Variants in CSMD3 observed in about 807,000 individuals in gnomAD.
CSMD3 encodes CUB and sushi domain-containing protein 3.
In CSMD3, 177 loss-of-function variants were observed where a neutral mutation model predicts 435.2. The ratio of observed to expected loss-of-function variants is 0.41; its 90% confidence interval spans 0.36 to 0.46. The LOEUF (loss-of-function observed/expected upper bound fraction) is 0.46. Ranked by LOEUF, CSMD3 falls within the 20% of genes least tolerant of loss-of-function variation. The probability of loss-of-function intolerance (pLI) is 0.34; values close to 1 mark genes in which losing one functional copy is unlikely to be tolerated. For synonymous variants in CSMD3, 1,656 were observed against 1,520.5 expected (o/e 1.09, Z -2.07); for missense variants, 4,265 against 4,504.6 (o/e 0.95, Z 1.52).
At chr8:112,503,232 A>G (rs951628399) in intron 30 of CSMD3, among the ~76,000 whole-genome samples, 1 of 151,974 alleles carries the variant, frequency 6.6e-6, no homozygotes, top group Admixed American at 6.6e-5. Context: ...CAGACGTATG[A>G]CACCCCTCTT....
intron 10 of CSMD3, among the ~76,000 whole-genome samples, chr8:112,905,366 G>A (rs1256967041): frequency 6.7e-6 from 1 of 150,356 alleles, no homozygotes; most frequent in East Asian, 2.0e-4. Context: ...AATATGTTAT[G>A]GATGTTAGGG....
intron 57 of CSMD3, among the ~76,000 whole-genome samples, chr8:112,288,590 A>G (rs528692554): frequency 7.2e-5 from 11 of 152,202 alleles, no homozygotes; most frequent in African/African-American, 1.9e-4. Flanking sequence ...AAGACAATGG[A>G]CAATATATAA....
chr8:112,634,389 T>G (rs886463850), intron 22 of CSMD3, among the ~76,000 whole-genome samples: 4 of 152,032 alleles, frequency 2.6e-5, no homozygotes, highest in African/African-American at 9.7e-5. Context: ...AAAACATTTC[T>G]TTTTAAAGGA....
At chr8:112,603,991 G>A (rs1391922963) in intron 22 of CSMD3, among the ~76,000 whole-genome samples, 1 of 152,022 alleles carries the variant, frequency 6.6e-6, no homozygotes, top group African/African-American at 2.4e-5. Context: ...ACTGAATATT[G>A]ATTCAGATTT....
At chr8:112,306,682 T>C (rs189542477) in intron 50 of CSMD3, among the ~76,000 whole-genome samples, 6 of 152,164 alleles carry the variant, frequency 3.9e-5, no homozygotes, top group African/African-American at 1.2e-4. Context: ...TGGCTATTTC[T>C]GTCTTAGCAG....
At chr8:113,365,092 C>G (rs1359016052) in intron 1 of CSMD3, among the ~76,000 whole-genome samples, 1 of 151,876 alleles carries the variant, frequency 6.6e-6, no homozygotes, top group Non-Finnish European at 1.5e-5. Context: ...ATAACAATGC[C>G]CAAGGCAGGT....
intron 59 of CSMD3, among the ~76,000 whole-genome samples, chr8:112,269,339 T>C (rs1273378678): frequency 6.6e-6 from 1 of 152,186 alleles, no homozygotes; most frequent in African/African-American, 2.4e-5. Context: ...AGCCTTAGAT[T>C]CATTTATCAC....
intron 2 of CSMD3, among the ~76,000 whole-genome samples, chr8:113,297,128 A>ATTGTT (rs1253589361): frequency 6.6e-6 from 1 of 152,136 alleles, no homozygotes; most frequent in Non-Finnish European, 1.5e-5. Flanking sequence ...ATTGAATTAA[A>ATTGTT]TTGTTTTATT....
rs1563628751 is a variant in CSMD3, at chr8:112,503,939, T to C, written c.4934A>G (p.Tyr1645Cys). 6 of 1,610,458 alleles carry C rather than the reference T, an allele frequency of 3.7e-6. No individual in the cohort carries two copies. Among genetic ancestry groups the C allele is most frequent in the African/African-American group, 1.3e-5 (1 of 74,452 alleles). The part of the protein sequence containing the change: ...IEPNYDFLYI[Y>C]DGPDSNSPLI... ...TGGGCTATTACTGTCTGGTCCATCATAGATATAGAGGAAGTCATAGTTTGG... is the reference window on the plus strand; with the variant it reads ...TGGGCTATTACTGTCTGGTCCATCACAGATATAGAGGAAGTCATAGTTTGG... Residue 1645 changes from tyrosine (Y) to cysteine (C), a missense_variant, in exon 30 of 71, where the codon TAT becomes TGT. This residue lies in a region of CSMD3 where 3,255 missense variants were observed against 3,380.2 expected (regional missense o/e 0.96). Transcript: ENST00000297405.
At chr8:112,990,952 C>T (rs1035136815) in intron 6 of CSMD3, among the ~76,000 whole-genome samples, 1 of 151,430 alleles carries the variant, frequency 6.6e-6, no homozygotes, top group Non-Finnish European at 1.5e-5. Context: ...TTTTAAAATC[C>T]TGAAATTAAA....
At position 112,294,816 on chromosome 8, in the gene CSMD3, A is replaced by G. The variant is rs375887436; in HGVS notation, c.8614+1017T>C. On this transcript the variant is annotated intron_variant, in intron 54 of 70. Coordinates refer to ENST00000297405, the MANE Select transcript of CSMD3 (RefSeq NM_198123.2). ...CTTTTTAAAATATTTCTAAAATTAC[A>G]TATATTCATATGTTTTGTATGAATT... 2.6e-5 allele frequency among the ~76,000 whole-genome samples: 4 copies of G among 152,314 alleles called. No individual in the cohort carries two copies. In the East Asian group the frequency reaches 5.8e-4, roughly 22 times the overall value.
chr8:112,382,361 G>A (rs557514725), intron 37 of CSMD3, among the ~76,000 whole-genome samples: 1 of 150,164 alleles, frequency 6.7e-6, no homozygotes, highest in Non-Finnish European at 1.5e-5. Context: ...ATAAAAGTGT[G>A]CTAAAATTGT....
intron 22 of CSMD3, among the ~76,000 whole-genome samples, chr8:112,613,291 T>C (rs1833405560): frequency 1.3e-5 from 2 of 152,132 alleles, no homozygotes; most frequent in Non-Finnish European, 2.9e-5. Context: ...TTGTTTTCAT[T>C]TTTTTGGTTT....
intron 3 of CSMD3, among the ~76,000 whole-genome samples, chr8:113,174,674 G>A: frequency 6.6e-6 from 1 of 151,712 alleles, no homozygotes; most frequent in Non-Finnish European, 1.5e-5. Flanking sequence ...TAGATTAAAT[G>A]AAAAAATTTT....
intron 46 of CSMD3, 39 bp downstream of exon 46, chr8:112,319,862 A>C: frequency 7.2e-7 from 1 of 1,392,852 alleles, no homozygotes; most frequent in South Asian, 1.2e-5. Context: ...TAGTTCTGCC[A>C]GCAGTATGTT....
chr8:112,656,659 T>C (rs2131664150), intron 17 of CSMD3, among the ~76,000 whole-genome samples: 1 of 152,296 alleles, frequency 6.6e-6, no homozygotes, highest in South Asian at 2.1e-4. Flanking sequence ...TTGGTTGTCT[T>C]CCTTATTTTT....
intron 13 of CSMD3, among the ~76,000 whole-genome samples, chr8:112,743,821 A>G (rs1030581399): frequency 6.6e-6 from 1 of 152,000 alleles, no homozygotes; most frequent in African/African-American, 2.4e-5. Context: ...ACCTGGTTCA[A>G]TTTTGCATAC....
chr8:112,691,236 C>T (rs996886155), intron 13 of CSMD3, among the ~76,000 whole-genome samples: 3 of 152,020 alleles, frequency 2.0e-5, no homozygotes, highest in East Asian at 1.9e-4. Flanking sequence ...TGCATTTAAA[C>T]GTTTCTTTAA....
intron 32 of CSMD3, among the ~76,000 whole-genome samples, chr8:112,465,652 T>C (rs750216949): frequency 2.0e-5 from 3 of 152,168 alleles, no homozygotes; most frequent in Non-Finnish European, 4.4e-5. Flanking sequence ...TAGTAATTTC[T>C]GCTAATTTAC....
Sources: allele counts gnomAD v4.1 joint callset (sites outside exome capture counted in the v4.1 genomes callset), GRCh38; gene constraint gnomAD v4.1.1; regional missense constraint gnomAD v4.1.1; transcripts MANE v1.5; gene names NCBI Gene and HGNC (gene_info 2026-07-23, HGNC 2026-07-21).